The following TRAF3 variants were observed in gnomAD, a reference collection of about 807,000 sequenced individuals.
The protein encoded by TRAF3 is TNF receptor-associated factor 3.
A neutral mutation model predicts 62.3 loss-of-function variants in TRAF3; 13 were observed. The ratio of observed to expected loss-of-function variants is 0.21; its 90% CI spans 0.14 to 0.33. The LOEUF (loss-of-function observed/expected upper bound fraction) is 0.33, where lower values mean the gene tolerates loss of function less well. Ranked by LOEUF, TRAF3 falls within the 10% of genes least tolerant of loss-of-function variation. TRAF3 has a pLI of 1.00. For synonymous variants in TRAF3, 269 were observed against 283.4 expected (o/e 0.95, Z 0.51); for missense variants, 440 against 741.8 (o/e 0.59, Z 4.73).
chr14:102,784,419 C>T (rs896438115), intron 1 of TRAF3, among the ~76,000 whole-genome samples: 6 of 152,020 alleles, frequency 3.9e-5, no homozygotes, highest in African/African-American at 1.5e-4. Context: ...AACAGGGTTT[C>T]ACCACGTTGG....
At chr14:102,892,713 T>C (rs951846145) in intron 9 of TRAF3, among the ~76,000 whole-genome samples, 3 of 152,230 alleles carry the variant, frequency 2.0e-5, no homozygotes, top group African/African-American at 7.2e-5. Context: ...CAATTTAAAA[T>C]GTAAATATAC....
At chr14:102,875,103 A>G (rs1285105366) in intron 4 of TRAF3, among the ~76,000 whole-genome samples, 2 of 152,236 alleles carry the variant, frequency 1.3e-5, no homozygotes, top group Non-Finnish European at 2.9e-5. Context: ...TTTAGAAGGA[A>G]CCAACAGTTT....
intron 2 of TRAF3, among the ~76,000 whole-genome samples, chr14:102,839,324 T>G (rs1333143332): frequency 6.8e-6 from 1 of 146,658 alleles, no homozygotes; most frequent in Non-Finnish European, 1.5e-5. Flanking sequence ...GCTCAAGCGA[T>G]TCTCCTGCCT....
At chr14:102,874,322 T>G (rs1027378063) in intron 4 of TRAF3, among the ~76,000 whole-genome samples, 1 of 152,164 alleles carries the variant, frequency 6.6e-6, no homozygotes, top group Non-Finnish European at 1.5e-5. Flanking sequence ...AATGGCGTGA[T>G]CTCAGCTCAC....
intron 6 of TRAF3, among the ~76,000 whole-genome samples, chr14:102,879,485 C>G (rs111546246): frequency 7.9e-5 from 12 of 151,916 alleles, no homozygotes; most frequent in Non-Finnish European, 1.2e-4. Flanking sequence ...CTCAAAACTC[C>G]TGGGCTTAAG....
chr14:102,890,872 G>A (rs1239980905), intron 8 of TRAF3, among the ~76,000 whole-genome samples: 1 of 152,126 alleles, frequency 6.6e-6, no homozygotes, highest in Non-Finnish European at 1.5e-5. Context: ...TTTGAATCCT[G>A]CTTTGCTTAC....
chr14:102,789,252 T>C (rs1897665956), intron 1 of TRAF3, among the ~76,000 whole-genome samples: 1 of 152,252 alleles, frequency 6.6e-6, no homozygotes, highest in South Asian at 2.1e-4. Context: ...TGCCACAATC[T>C]GTCTATTCAT....
chr14:102,809,793 G>A (rs1899014737), intron 1 of TRAF3, among the ~76,000 whole-genome samples: 1 of 151,958 alleles, frequency 6.6e-6, no homozygotes, highest in Admixed American at 6.6e-5. Context: ...GCCTCCTAAA[G>A]TGCTGGGATT....
At chr14:102,880,988 G>A (rs1195790316) in intron 6 of TRAF3, among the ~76,000 whole-genome samples, 1 of 152,166 alleles carries the variant, frequency 6.6e-6, no homozygotes, top group East Asian at 1.9e-4. Context: ...AGCTACCTGG[G>A]AGGCTGAGGC....
At chr14:102,883,311 C>T (rs867730075) in intron 6 of TRAF3, among the ~76,000 whole-genome samples, 2 of 152,122 alleles carry the variant, frequency 1.3e-5, no homozygotes, top group East Asian at 1.9e-4. Context: ...TAATACTGAG[C>T]GAAGTCCAGA....
intron 2 of TRAF3, among the ~76,000 whole-genome samples, chr14:102,839,888 A>G (rs1275614086): frequency 6.6e-6 from 1 of 152,226 alleles, no homozygotes; most frequent in African/African-American, 2.4e-5. Flanking sequence ...GTTAGAGCAT[A>G]ATGTTTCACA....
chr14:102,863,432 C>A (rs1887794061), intron 2 of TRAF3, among the ~76,000 whole-genome samples: 1 of 152,200 alleles, frequency 6.6e-6, no homozygotes, highest in African/African-American at 2.4e-5. Flanking sequence ...AAAAATGTCT[C>A]CCAGTCTTTT....
rs143440712 is a variant in TRAF3 at position 102,889,468 on chromosome 14, T to C, written c.652-92T>C. On this transcript the variant is annotated intron_variant, in intron 7 of 11. Coordinates refer to ENST00000392745, the MANE Select transcript of TRAF3 (RefSeq NM_145725.3). Reference sequence around the variant, plus strand: ...CTGTAGCGATAAACACCATTCTTAATAGTACAGCTCAGATGCTATCTGTGC... The same window carrying C: ...CTGTAGCGATAAACACCATTCTTAACAGTACAGCTCAGATGCTATCTGTGC... The C allele has an allele frequency of 3.5e-3, 4,514 of 1,279,504 alleles. 12 individuals carry two copies. Among genetic ancestry groups the C allele is most frequent in the Non-Finnish European group, 4.3e-3 (3,759 of 878,866 alleles). The allele number at this position is 1,279,504 out of a possible 1,614,324, so 79.3% of individuals were successfully genotyped here.
chr14:102,862,489 A>G (rs1034346782), intron 2 of TRAF3, among the ~76,000 whole-genome samples: 5 of 151,266 alleles, frequency 3.3e-5, no homozygotes, highest in Admixed American at 1.3e-4. Context: ...ATGGCTTTAG[A>G]TGAGAAATCA....
chr14:102,812,365 A>G (rs1899240446), intron 1 of TRAF3, among the ~76,000 whole-genome samples: 1 of 152,180 alleles, frequency 6.6e-6, no homozygotes, highest in Admixed American at 6.5e-5. Flanking sequence ...ATAGTAGTCC[A>G]TTTTGTATAG....
At chr14:102,798,618 C>T (rs1043943785) in intron 1 of TRAF3, among the ~76,000 whole-genome samples, 17 of 152,054 alleles carry the variant, frequency 1.1e-4, no homozygotes, top group Non-Finnish European at 1.8e-4. Flanking sequence ...CCAGTCTGGG[C>T]GACAGAGCGA....
chr14:102,803,469 C>A (rs936687046), intron 1 of TRAF3, among the ~76,000 whole-genome samples: 1 of 152,108 alleles, frequency 6.6e-6, no homozygotes, highest in Non-Finnish European at 1.5e-5. Flanking sequence ...ATGGTACTTA[C>A]CCCCTGGAGT....
chr14:102,816,163 T>C (rs1056624036), intron 1 of TRAF3, among the ~76,000 whole-genome samples: 6 of 152,074 alleles, frequency 3.9e-5, no homozygotes, highest in African/African-American at 1.4e-4. Context: ...AGTGTAGTGA[T>C]GCCATCTCAG....
At chr14:102,902,263 A>G (rs1352485251) in intron 10 of TRAF3, among the ~76,000 whole-genome samples, 1 of 152,118 alleles carries the variant, frequency 6.6e-6, no homozygotes, top group East Asian at 1.9e-4. Flanking sequence ...GTGGAGCTGG[A>G]GGGGGAAGAC....
Sources: allele counts gnomAD v4.1 joint callset (sites outside exome capture counted in the v4.1 genomes callset), GRCh38; gene constraint gnomAD v4.1.1; transcripts MANE v1.5; gene names NCBI Gene and HGNC (gene_info 2026-07-23, HGNC 2026-07-21).